The following NEB variants were observed in gnomAD, a reference collection of about 807,000 sequenced individuals.
NEB encodes the protein nemaline myopathy type 2.
In NEB, 512 loss-of-function variants were observed where a neutral mutation model predicts 952.2. The ratio of observed to expected loss-of-function variants is 0.54; its 90% CI spans 0.50 to 0.58. The LOEUF (loss-of-function observed/expected upper bound fraction) is 0.58, where lower values mean the gene tolerates loss of function less well. Ranked by LOEUF, NEB falls within the 20% of genes least tolerant of loss-of-function variation. The pLI is 0.00. For missense variants in NEB, 8,428 were observed against 9,231.1 expected (o/e 0.91, Z 3.56); for synonymous variants, 2,900 against 3,149.8 (o/e 0.92, Z 2.66).
chr2:151,546,518 C>T, intron 133 of NEB, 75 bp from the exon 134 acceptor site: 1 of 856,938 alleles, frequency 1.2e-6, no homozygotes, highest in Non-Finnish European at 1.9e-6. Context: ...GGAGTAGCAA[C>T]ACTTCTTAAT....
intron 111 of NEB, 62 bp from the exon 112 acceptor site, chr2:151,568,479 C>T: frequency 6.6e-7 from 1 of 1,515,128 alleles, no homozygotes; most frequent in Non-Finnish European, 9.2e-7. Flanking sequence ...ATCATGTTGT[C>T]CAAGCAATTG....
rs371570995 is a variant in NEB, at chr2:151,644,489, G to A, written c.7623C>T (p.Ala2541=). ...TTACTTCACTGGCAATTTCCCGGGA[G>A]GCTTTTGCTGCTTTGATTGGTATGG... ...VDAIPIKAAK[A]SREIASEYKY... The change falls in exon 56 of 182, where the codon GCC becomes GCT. Residue 2541 remains alanine (A), a synonymous_variant. Coordinates refer to ENST00000397345, the MANE Select transcript of NEB (RefSeq NM_001164508.2). 16 of 1,613,460 alleles carry A rather than the reference G, an allele frequency of 9.9e-6. No homozygotes were observed. The Middle Eastern group carries it at 8.2e-4, about 83-fold the overall frequency.
intron 131 of NEB, 143 bp from the exon 132 acceptor site, chr2:151,547,881 G>A: frequency 1.5e-6 from 1 of 648,380 alleles, no homozygotes; most frequent in Non-Finnish European, 2.6e-6. Flanking sequence ...TAGGAAAAAA[G>A]GAGAAAATGA....
chr2:151,621,409 A>G (rs1233388703), intron 71 of NEB, among the ~76,000 whole-genome samples: 4 of 152,250 alleles, frequency 2.6e-5, no homozygotes, highest in Non-Finnish European at 5.9e-5. Context: ...ATATAATAAC[A>G]TATAATAATA....
intron 34 of NEB, among the ~76,000 whole-genome samples, chr2:151,676,985 T>G (rs896264277): frequency 6.6e-6 from 1 of 152,308 alleles, no homozygotes; most frequent in East Asian, 1.9e-4. Flanking sequence ...TACCAAACTT[T>G]CCTTTAGAAA....
intron 107 of NEB, among the ~76,000 whole-genome samples, chr2:151,574,674 G>T (rs1367736011): frequency 6.6e-6 from 1 of 151,714 alleles, no homozygotes; most frequent in African/African-American, 2.4e-5. Flanking sequence ...TGCTGAATTT[G>T]ATTTATTAAT....
intron 129 of NEB, among the ~76,000 whole-genome samples, chr2:151,550,171 G>A (rs867947091): frequency 1.3e-4 from 20 of 150,532 alleles, no homozygotes; most frequent in African/African-American, 3.9e-4. Context: ...AGAAGCTAAG[G>A]TGGGAGGATC....
Position 151,690,709 on chromosome 2 carries a change from A to C in NEB, c.2310+18T>G. 6.4e-7 allele frequency: 1 copy of C among 1,556,172 alleles called. No homozygotes were observed. Among genetic ancestry groups the C allele is most frequent in the Non-Finnish European group, 8.7e-7 (1 of 1,143,786 alleles). ...AGCACTCTGGGTCACCCACGCTTGC[A>C]TAAATCAAAGCACTTACATCACTAA... On this transcript the variant is annotated intron_variant, in intron 24 of 181. Coordinates refer to ENST00000397345, the MANE Select transcript of NEB (RefSeq NM_001164508.2).
chr2:151,508,145 A>T, intron 161 of NEB, 36 bp from the exon 162 acceptor site: 1 of 1,453,708 alleles, frequency 6.9e-7, no homozygotes, highest in Admixed American at 1.9e-5. Context: ...GAGGGTAAAC[A>T]CCACAGGGAT....
In NEB at chr2:151,633,735, C is replaced by A; in HGVS notation, c.9333G>T (p.Lys3111Asn). The A allele has an allele frequency of 1.9e-6, 3 of 1,613,972 alleles. No homozygotes were observed. Among genetic ancestry groups the A allele is most frequent in the Non-Finnish European group, 2.5e-6 (3 of 1,179,890 alleles). The change falls in exon 65 of 182, where the codon AAG (lysine) becomes AAT (asparagine). Residue 3111 changes from lysine to asparagine, a missense_variant. Transcript: ENST00000397345. ...GGCATGTCCACTCGTGCAGGTAGTT[C>A]TTATAGTCCACGTCACTGACTAAGG... ...CQTLVSDVDY[K>N]NYLHEWTCLP...
intron 167 of NEB, 56 bp from the exon 168 acceptor site, chr2:151,501,539 A>ACTT: frequency 9.8e-7 from 1 of 1,018,904 alleles, no homozygotes; most frequent in Non-Finnish European, 1.3e-6. Context: ...TTTTAGGTAG[A>ACTT]CTTAACCTAA....
chr2:151,545,755 G>A (rs769947740), intron 135 of NEB, 133 bp downstream of exon 135: 74 of 604,536 alleles, frequency 1.2e-4, no homozygotes, highest in Non-Finnish European at 2.0e-4. Context: ...CCATTCCACA[G>A]TTAAGAGGGG....
intron 47 of NEB, 141 bp downstream of exon 47, chr2:151,658,924 T>C (rs1014459670): frequency 2.6e-6 from 2 of 755,826 alleles, no homozygotes; most frequent in Non-Finnish European, 4.6e-6. Flanking sequence ...CAAAGCAAAA[T>C]TAGAAAGAGT....
At chr2:151,654,150 C>A in intron 51 of NEB, 51 bp from the exon 52 acceptor site, 2 of 1,165,978 alleles carry the variant, frequency 1.7e-6, no homozygotes, top group Admixed American at 2.4e-5. Flanking sequence ...TAAAGAATAT[C>A]AATAGATTAT....
chr2:151,565,407 T>G, intron 116 of NEB, 94 bp downstream of exon 116: 1 of 943,106 alleles, frequency 1.1e-6, no homozygotes, highest in Non-Finnish European at 1.7e-6. Context: ...CCCAATTTTT[T>G]TACAAGCAAT....
intron 153 of NEB, among the ~76,000 whole-genome samples, chr2:151,522,833 C>T (rs1324081007): frequency 1.3e-5 from 2 of 152,098 alleles, no homozygotes; most frequent in Admixed American, 6.5e-5. Context: ...TGAGGTATTC[C>T]GCCTAGAGTA....
chr2:151,501,330 G>T, intron 168 of NEB, 61 bp downstream of exon 168: 1 of 1,127,826 alleles, frequency 8.9e-7, no homozygotes. Flanking sequence ...ACAGTGAGAT[G>T]TTCTGTTTTG....
chr2:151,673,422 C>T (rs545597449), intron 36 of NEB, among the ~76,000 whole-genome samples: 14 of 148,606 alleles, frequency 9.4e-5, no homozygotes, highest in African/African-American at 2.7e-4. Flanking sequence ...TGTGAAAAAT[C>T]ACTGTGTAAG....
chr2:151,553,295 C>CA, intron 127 of NEB, 103 bp downstream of exon 127: 1 of 940,658 alleles, frequency 1.1e-6, no homozygotes. Context: ...AGCCACCCCC[C>CA]AGAGCTGGCC....
Sources: allele counts gnomAD v4.1 joint callset (sites outside exome capture counted in the v4.1 genomes callset), GRCh38; gene constraint gnomAD v4.1.1; transcripts MANE v1.5; gene names NCBI Gene and HGNC (gene_info 2026-07-23, HGNC 2026-07-21).